The following H1-3 variants were observed in gnomAD, a reference collection of about 807,000 sequenced individuals.
H1-3 encodes H1.3 linker histone, cluster member.
H1-3 carries 4 observed loss-of-function variants against 3.6 expected under a neutral mutation model. The ratio of observed to expected loss-of-function variants is 1.12; its 90% CI spans 0.55 to 2.57. The LOEUF is 2.57. Ranked by LOEUF, H1-3 falls within the 30% of genes most tolerant of loss-of-function variation. H1-3 has a pLI of 0.02. For missense variants in H1-3, 670 were observed against 274.3 expected (o/e 2.44, Z -10.19); for synonymous variants, 266 against 110.0 (o/e 2.42, Z -8.87).
chr6:26,234,564 C>T lies in H1-3; in HGVS notation c.370G>A (p.Ala124Thr), dbSNP rs758150131. 6.2e-6 allele frequency: 10 copies of T among 1,612,898 alleles called. No individual in the cohort carries two copies. The highest frequency in any genetic ancestry group is 8.5e-6 in the Non-Finnish European group (10 of 1,179,772). Residue 124 changes from alanine (A) to threonine (T), a missense_variant, in exon 1 of 1, where the codon GCT becomes ACT. Coordinates refer to ENST00000244534, the MANE Select transcript of H1-3 (RefSeq NM_005320.3). ...SGEGKPKAKK[A>T]GAAKPRKPAG... ...GGCTTCCTAGGCTTGGCTGCGCCAG[C>T]CTTTTTGGCCTTGGGTTTGCCTTCC...
chr6:26,234,891 C>G lies in H1-3; in HGVS notation c.43G>C (p.Ala15Pro), dbSNP rs141394027. 112 of 1,612,544 alleles carry G rather than the reference C, an allele frequency of 6.9e-5. No individual in the cohort carries two copies. The East Asian group carries it at 1.0e-3, about 15-fold the overall frequency. ...TTTTTCTTCACAGGTGTTTTTTCTGCGGGTGCAGGAATGGTAGGAGCAAGT... is the reference window on the plus strand; with the variant it reads ...TTTTTCTTCACAGGTGTTTTTTCTGGGGGTGCAGGAATGGTAGGAGCAAGT... ...APLAPTIPAP[A>P]EKTPVKKKAK... The change falls in exon 1 of 1, where the codon GCA becomes CCA. Residue 15 changes from alanine (A) to proline (P), a missense_variant. Transcript: ENST00000244534.
rs1759718785 is a variant in H1-3 at position 26,234,226 on chromosome 6, A to T, written c.*42T>A. Reference sequence around the variant, plus strand: ...ACTGAGACCTGTGGGTGGCTCTGAAAAGAGCCGTTTAAAATTTTCAAAGGG... The same window carrying T: ...ACTGAGACCTGTGGGTGGCTCTGAATAGAGCCGTTTAAAATTTTCAAAGGG... On this transcript the variant is annotated 3_prime_UTR_variant, in exon 1 of 1. Coordinates refer to ENST00000244534, the MANE Select transcript of H1-3 (RefSeq NM_005320.3). 1 of 1,549,724 alleles carries T rather than the reference A, an allele frequency of 6.5e-7. No individual in the cohort carries two copies. The highest frequency in any genetic ancestry group is 8.7e-7 in the Non-Finnish European group (1 of 1,151,046).
rs200514070 is a variant in H1-3, at chr6:26,234,867, T to A, written c.67A>T (p.Lys23Ter). 6.2e-7 allele frequency: 1 copy of A among 1,613,792 alleles called. No homozygotes were observed. Among genetic ancestry groups the A allele is most frequent in the Non-Finnish European group, 8.5e-7 (1 of 1,179,918 alleles). Reference sequence around the variant, plus strand: ...GCAGTTGCGCCTGCCTTCTTCGCCTTTTTCTTCACAGGTGTTTTTTCTGCG... The same window carrying A: ...GCAGTTGCGCCTGCCTTCTTCGCCTATTTCTTCACAGGTGTTTTTTCTGCG... ...APAEKTPVKK[K>*]AKKAGATAGK... Residue 23 changes from lysine (K) to a stop codon, truncating the protein, a stop_gained, in exon 1 of 1, where the codon AAG becomes TAG. Coordinates refer to ENST00000244534, the MANE Select transcript of H1-3 (RefSeq NM_005320.3). LOFTEE classifies it high-confidence loss of function.
chr6:26,234,843 C>T lies in H1-3; in HGVS notation c.91G>A (p.Ala31Thr), dbSNP rs372987662. 8.1e-6 allele frequency: 13 copies of T among 1,614,222 alleles called. 1 individual carries two copies. The highest frequency in any genetic ancestry group is 2.7e-5 in the African/African-American group (2 of 75,060). ...KKKAKKAGAT[A>T]GKRKASGPPV... ...GGTCCGGATGCTTTGCGTTTCCCAGCAGTTGCGCCTGCCTTCTTCGCCTTT... is the reference window on the plus strand; with the variant it reads ...GGTCCGGATGCTTTGCGTTTCCCAGTAGTTGCGCCTGCCTTCTTCGCCTTT... The change falls in exon 1 of 1, where the codon GCT (alanine) becomes ACT (threonine). Residue 31 changes from alanine (A) to threonine (T), a missense_variant. Ala to Thr is a moderately conservative substitution (Grantham distance 58). Transcript: ENST00000244534.
chr6:26,234,806 T>C lies in H1-3; in HGVS notation c.128A>G (p.Glu43Gly), dbSNP rs749400507. The change falls in exon 1 of 1, where the codon GAG becomes GGG. Residue 43 changes from glutamate (E) to glycine (G), a missense_variant. Glu to Gly is a moderately conservative substitution (Grantham distance 98). Coordinates refer to ENST00000244534, the MANE Select transcript of H1-3 (RefSeq NM_005320.3). ...AGCTGCCACTGCCTTGGTGATAAGCTCAGATACTGGGGGTCCGGATGCTTT... is the reference window on the plus strand; with the variant it reads ...AGCTGCCACTGCCTTGGTGATAAGCCCAGATACTGGGGGTCCGGATGCTTT... ...KRKASGPPVSELITKAVAASK... is the reference protein window; with the variant it reads ...KRKASGPPVSGLITKAVAASK... The C allele has an allele frequency of 9.3e-6, 15 of 1,614,222 alleles. No homozygotes were observed. The highest frequency in any genetic ancestry group is 7.7e-5 in the South Asian group (7 of 91,088).
In H1-3 at chr6:26,234,867, T is replaced by G. The variant is rs200514070; in HGVS notation, c.67A>C (p.Lys23Gln). Residue 23 changes from lysine (K) to glutamine (Q), a missense_variant, in exon 1 of 1, where the codon AAG (lysine) becomes CAG (glutamine). Lys to Gln is a moderately conservative substitution (Grantham distance 53). Coordinates refer to ENST00000244534, the MANE Select transcript of H1-3 (RefSeq NM_005320.3). ...GCAGTTGCGCCTGCCTTCTTCGCCT[T>G]TTTCTTCACAGGTGTTTTTTCTGCG... The part of the protein sequence containing the change: ...APAEKTPVKK[K>Q]AKKAGATAGK... 6.2e-7 allele frequency: 1 copy of G among 1,613,910 alleles called. No individual in the cohort carries two copies. The highest frequency in any genetic ancestry group is 1.3e-5 in the African/African-American group (1 of 75,030).
chr6:26,234,703 GTTT>G lies in H1-3; in HGVS notation c.228_230del (p.Lys76del). 6.2e-7 allele frequency: 1 copy of G among 1,613,808 alleles called. No homozygotes were observed. Among genetic ancestry groups the G allele is most frequent in the Non-Finnish European group, 8.5e-7 (1 of 1,179,948 alleles). ...TGAGGCCAAGCTTGATACGGCTGTTGTTTTTTTCTACATCGTAGCCAGCAGCCG... is the reference window on the plus strand; with the variant it reads ...TGAGGCCAAGCTTGATACGGCTGTTGTTTTCTACATCGTAGCCAGCAGCCG... On this transcript the variant is annotated inframe_deletion, in exon 1 of 1. Coordinates refer to ENST00000244534, the MANE Select transcript of H1-3 (RefSeq NM_005320.3).
Position 26,234,519 on chromosome 6 carries a change from G to A in H1-3, c.415C>T (p.Pro139Ser), listed in dbSNP as rs761623918. ...GTAGCGGCGCCAGCCACCTTCTTGG[G>A]CTTCTTGGCTGCCCCAGCAGGCTTC... ...PRKPAGAAKK[P>S]KKVAGAATPK... is the part of the protein sequence containing the mutation. Residue 139 changes from proline (P) to serine (S), a missense_variant, in exon 1 of 1, where the codon CCC becomes TCC. Physicochemically the swap from Pro to Ser is moderately conservative, Grantham distance 74 (BLOSUM62 -1). Transcript: ENST00000244534. 2.5e-6 allele frequency: 4 copies of A among 1,613,674 alleles called. No individual in the cohort carries two copies. The South Asian group carries it at 3.3e-5, about 13-fold the overall frequency.
At position 26,234,254 on chromosome 6, in the gene H1-3, A is replaced by T; in HGVS notation, c.*14T>A. The T allele has an allele frequency of 6.3e-7, 1 of 1,579,584 alleles. No homozygotes were observed. The highest frequency in any genetic ancestry group is 1.2e-5 in the South Asian group (1 of 85,622). The stretch of plus-strand genomic sequence containing the variant: ...AGCCGTTTAAAATTTTCAAAGGGGA[A>T]CGTCCCGCCAGTTTCACTTTTTCTT... On this transcript the variant is annotated 3_prime_UTR_variant, in exon 1 of 1. Coordinates refer to ENST00000244534, the MANE Select transcript of H1-3 (RefSeq NM_005320.3).
Position 26,234,856 on chromosome 6 carries a change from C to A in H1-3, c.78G>T (p.Lys26Asn). The change falls in exon 1 of 1, where the codon AAG becomes AAT. Residue 26 changes from lysine to asparagine, a missense_variant. Transcript: ENST00000244534. ...EKTPVKKKAK[K>N]AGATAGKRKA... ...TGCGTTTCCCAGCAGTTGCGCCTGC[C>A]TTCTTCGCCTTTTTCTTCACAGGTG... 1 of 1,614,136 alleles carries A rather than the reference C, an allele frequency of 6.2e-7. No homozygotes were observed. Among genetic ancestry groups the A allele is most frequent in the Non-Finnish European group, 8.5e-7 (1 of 1,180,024 alleles).
rs767893174 is a variant in H1-3 at position 26,234,412 on chromosome 6, A to C, written c.522T>G (p.Ser174Arg). 6.2e-7 allele frequency: 1 copy of C among 1,613,684 alleles called. No homozygotes were observed. The highest frequency in any genetic ancestry group is 2.2e-5 in the East Asian group (1 of 44,846). The change falls in exon 1 of 1, where the codon AGT becomes AGG. Residue 174 changes from serine to arginine, a missense_variant. Transcript: ENST00000244534. ...GCTGAGGTGTTTTCACCTTTTTCGC[A>C]CTCTTGGCCACTTTCTTGGTCCCAG... ...TAAGTKKVAK[S>R]AKKVKTPQPK...
rs201283893 is a variant in H1-3 at position 26,234,962 on chromosome 6, G to C, written c.-29C>G. 2.1e-4 allele frequency: 328 copies of C among 1,567,560 alleles called. No homozygotes were observed. Among genetic ancestry groups the C allele is most frequent in the Admixed American group, 3.1e-4 (16 of 52,244 alleles). On this transcript the variant is annotated 5_prime_UTR_variant, in exon 1 of 1. Transcript: ENST00000244534. Reference sequence around the variant, plus strand: ...TTTGTCTTCCCAGAAAAGACAATAAGTAATCTCAAACTGTCAGAACAGCAT... The same window carrying C: ...TTTGTCTTCCCAGAAAAGACAATAACTAATCTCAAACTGTCAGAACAGCAT...
rs1444019987 is a variant in H1-3 at position 26,234,295 on chromosome 6, T to TAA, written c.638_639insTT (p.Lys214Ter). 51 of 1,602,794 alleles carry TAA rather than the reference T, an allele frequency of 3.2e-5. No homozygotes were observed. The highest frequency in any genetic ancestry group is 4.2e-5 in the Non-Finnish European group (50 of 1,176,918). On this transcript the variant is annotated frameshift_variant, in exon 1 of 1. Transcript: ENST00000244534. LOFTEE classifies it high-confidence loss of function. ...ACTTTTTCTTCGGAGCTGCCTTCTT[T>TAA]GCCTTTGTAACCTTCGGCTTCCCCG... is the stretch of plus-strand genomic sequence containing the variant.
rs753815669 is a variant in H1-3 at position 26,234,553 on chromosome 6, G to T, written c.381C>A (p.Ala127=). The part of the protein sequence containing the change: ...GKPKAKKAGA[A]KPRKPAGAAK... ...CTGCCCCAGCAGGCTTCCTAGGCTT[G>T]GCTGCGCCAGCCTTTTTGGCCTTGG... The change falls in exon 1 of 1, where the codon GCC becomes GCA. Residue 127 remains alanine, a synonymous_variant. Transcript: ENST00000244534. The T allele has an allele frequency of 7.4e-6, 12 of 1,612,650 alleles. No individual in the cohort carries two copies. The East Asian group carries it at 2.4e-4, about 33-fold the overall frequency.
In H1-3 at chr6:26,234,820, T is replaced by G; in HGVS notation, c.114A>C (p.Gly38=). The G allele has an allele frequency of 6.2e-7, 1 of 1,614,124 alleles. No individual in the cohort carries two copies. The highest frequency in any genetic ancestry group is 8.5e-7 in the Non-Finnish European group (1 of 1,180,024). The change falls in exon 1 of 1, where the codon GGA becomes GGC. Residue 38 remains glycine, a synonymous_variant. Transcript: ENST00000244534. ...TGGTGATAAGCTCAGATACTGGGGG[T>G]CCGGATGCTTTGCGTTTCCCAGCAG... is the stretch of plus-strand genomic sequence containing the variant. The part of the protein sequence containing the change: ...GATAGKRKAS[G]PPVSELITKA...
rs758131588 is a variant in H1-3 at position 26,234,455 on chromosome 6, T to C, written c.479A>G (p.Lys160Arg). 18 of 1,614,040 alleles carry C rather than the reference T, an allele frequency of 1.1e-5. No individual in the cohort carries two copies. The East Asian group carries it at 3.3e-4, about 30-fold the overall frequency. The change falls in exon 1 of 1, where the codon AAG (lysine) becomes AGG (arginine). Residue 160 changes from lysine to arginine, a missense_variant. Transcript: ENST00000244534. ...GGTCCCAGCAGCGGTTGCTGGCTTC[T>C]TTACCTTCTTAGGAGTCTTTTTGAT... The part of the protein sequence containing the change: ...KSIKKTPKKV[K>R]KPATAAGTKK...
At position 26,234,420 on chromosome 6, in the gene H1-3, C is replaced by T. The variant is rs1759733521; in HGVS notation, c.514G>A (p.Ala172Thr). The part of the protein sequence containing the change: ...PATAAGTKKV[A>T]KSAKKVKTPQ... ...GTTTTCACCTTTTTCGCACTCTTGG[C>T]CACTTTCTTGGTCCCAGCAGCGGTT... is the stretch of plus-strand genomic sequence containing the variant. Residue 172 changes from alanine to threonine, a missense_variant, in exon 1 of 1, where the codon GCC becomes ACC. Coordinates refer to ENST00000244534, the MANE Select transcript of H1-3 (RefSeq NM_005320.3). 1 of 1,614,198 alleles carries T rather than the reference C, an allele frequency of 6.2e-7. No homozygotes were observed. Among genetic ancestry groups the T allele is most frequent in the Non-Finnish European group, 8.5e-7 (1 of 1,180,036 alleles).
rs142772662 is a variant in H1-3, at chr6:26,234,897, C to T, written c.37G>A (p.Ala13Thr). ...TTCACAGGTGTTTTTTCTGCGGGTG[C>T]AGGAATGGTAGGAGCAAGTGGAGCA... Reference protein sequence around the residue: ...ETAPLAPTIPAPAEKTPVKKK... With the variant: ...ETAPLAPTIPTPAEKTPVKKK... Residue 13 changes from alanine (A) to threonine (T), a missense_variant, in exon 1 of 1, where the codon GCA (alanine) becomes ACA (threonine). Physicochemically the swap from Ala to Thr is moderately conservative, Grantham distance 58. Coordinates refer to ENST00000244534, the MANE Select transcript of H1-3 (RefSeq NM_005320.3). 37 of 1,612,368 alleles carry T rather than the reference C, an allele frequency of 2.3e-5. No homozygotes were observed. In the African/African-American group the frequency reaches 4.4e-4, roughly 19 times the overall value.
Position 26,234,265 on chromosome 6 carries a change from G to T in H1-3, c.*3C>A, listed in dbSNP as rs764596815. 6.3e-7 allele frequency: 1 copy of T among 1,586,208 alleles called. No homozygotes were observed. Among genetic ancestry groups the T allele is most frequent in the Non-Finnish European group, 8.5e-7 (1 of 1,171,530 alleles). On this transcript the variant is annotated 3_prime_UTR_variant, in exon 1 of 1. Transcript: ENST00000244534. The stretch of plus-strand genomic sequence containing the variant: ...ATTTTCAAAGGGGAACGTCCCGCCA[G>T]TTTCACTTTTTCTTCGGAGCTGCCT...
Sources: allele counts gnomAD v4.1 joint callset, GRCh38; gene constraint gnomAD v4.1.1; transcripts MANE v1.5; gene names NCBI Gene and HGNC (gene_info 2026-07-23, HGNC 2026-07-21).